KIRREL3: variants seen among roughly 807,000 people sequenced by gnomAD.
KIRREL3 encodes kin of IRRE-like protein 3.
Under a neutral mutation model 89.7 loss-of-function variants are expected in KIRREL3, and 36 were observed. The ratio of observed to expected loss-of-function variants is 0.40; its 90% confidence interval spans 0.31 to 0.53. The LOEUF is 0.53. Ranked by LOEUF, KIRREL3 falls within the 20% of genes least tolerant of loss-of-function variation. The pLI is 0.49. For missense variants in KIRREL3, 864 were observed against 1,056.6 expected (o/e 0.82, Z 2.53); for synonymous variants, 445 against 441.4 (o/e 1.01, Z -0.10).
At position 126,501,696 on chromosome 11, in the gene KIRREL3, TA is replaced by T. The variant is rs1202682973; in HGVS notation, c.433+19618del. ...TTCCACTCATGCTTTCAAACTCACT[TA>T]AACCCTCCTTAAAGCCTACACTTGC... On this transcript the variant is annotated intron_variant, in intron 4 of 16. Transcript: ENST00000525144. This position sits in a 1 kb window ranked among gnomAD's most constrained non-coding sequence, Gnocchi z 5.8. Among the ~76,000 whole-genome samples, 1 of 152,162 alleles carries T rather than the reference TA, an allele frequency of 6.6e-6. No individual in the cohort carries two copies. Among genetic ancestry groups the T allele is most frequent in the Non-Finnish European group, 1.5e-5 (1 of 68,024 alleles).
At chr11:126,712,600 A>G (rs1209266085) in intron 1 of KIRREL3, among the ~76,000 whole-genome samples, 6 of 152,216 alleles carry the variant, frequency 3.9e-5, no homozygotes, top group Non-Finnish European at 7.3e-5. Flanking sequence ...CCTCAGAGGC[A>G]GGACGCAGGC....
rs1362921828 is a variant in KIRREL3 at position 126,429,890 on chromosome 11, A to G, written c.1697-602T>C. On this transcript the variant is annotated intron_variant, in intron 14 of 16. Coordinates refer to ENST00000525144, the MANE Select transcript of KIRREL3 (RefSeq NM_032531.4). The surrounding 1 kb of genome is among the most constrained non-coding windows in gnomAD (Gnocchi z 5.2). ...GGTGGCTCACGCCTGTAATCCCAGC[A>G]CTTTGGGAGGCCGAGGTGGGCAGAT... 1.3e-5 allele frequency among the ~76,000 whole-genome samples: 2 copies of G among 152,192 alleles called. No homozygotes were observed. The highest frequency in any genetic ancestry group is 4.8e-5 in the African/African-American group (2 of 41,450).
At chr11:126,456,269 A>T in intron 7 of KIRREL3, 80 bp downstream of exon 7, 1 of 881,580 alleles carries the variant, frequency 1.1e-6, no homozygotes, top group Non-Finnish European at 1.8e-6. Context: ...CATGCTGAGG[A>T]CCCTAAGTGA....
chr11:126,902,180 A>G (rs968333066), intron 1 of KIRREL3, among the ~76,000 whole-genome samples: 3 of 152,180 alleles, frequency 2.0e-5, no homozygotes, highest in East Asian at 1.9e-4. Context: ...CTTTGGGGCT[A>G]CTTGGCCTGA....
chr11:126,450,787 GTGCATGTGTGTGTC>G (rs1436038263), intron 7 of KIRREL3, among the ~76,000 whole-genome samples: 1 of 151,466 alleles, frequency 6.6e-6, no homozygotes, highest in Non-Finnish European at 1.5e-5. Context: ...GTGTGCATCT[GTGCATGTGTGTGTC>G]TGCATGTGAA....
At chr11:126,784,834 T>C (rs1386953122) in intron 1 of KIRREL3, among the ~76,000 whole-genome samples, 3 of 152,208 alleles carry the variant, frequency 2.0e-5, no homozygotes, top group Admixed American at 1.3e-4. Context: ...ATAGTACTAA[T>C]TGGTGCTAGA....
At chr11:126,781,582 C>G (rs114892367) in intron 1 of KIRREL3, among the ~76,000 whole-genome samples, 3,848 of 152,264 alleles carry the variant, frequency 0.025, 154 homozygotes, top group African/African-American at 0.085. Context: ...GGTTCCTCCT[C>G]ACACTAAAAT....
intron 1 of KIRREL3, among the ~76,000 whole-genome samples, chr11:126,854,126 T>TTGTGTGTGTGTGTGTGTG (rs375873911): frequency 6.9e-6 from 1 of 143,922 alleles, no homozygotes; most frequent in African/African-American, 2.6e-5. Flanking sequence ...AATAAGTTTC[T>TTGTGTGTGTGTGTGTGTG]TGTGTGTGTG....
At chr11:126,670,452 A>G (rs1850687970) in intron 1 of KIRREL3, among the ~76,000 whole-genome samples, 1 of 152,350 alleles carries the variant, frequency 6.6e-6, no homozygotes, top group African/African-American at 2.4e-5. Flanking sequence ...GTCCTAGCTT[A>G]GTGCAATAAG....
At chr11:126,821,581 C>A (rs766086220) in intron 1 of KIRREL3, among the ~76,000 whole-genome samples, 1 of 151,912 alleles carries the variant, frequency 6.6e-6, no homozygotes, top group African/African-American at 2.4e-5. Context: ...AATGTACCCC[C>A]TCCTAAGACA....
Position 126,606,932 on chromosome 11 carries a change from G to A in KIRREL3, c.56-44020C>T, listed in dbSNP as rs905524545. The stretch of plus-strand genomic sequence containing the variant: ...GCTCAGATGATGGGAAGGGGCGGGG[G>A]TGGCCAGGCAGTGCTTTCTAGCTGA... On this transcript the variant is annotated intron_variant, in intron 1 of 16. Transcript: ENST00000525144. The surrounding 1 kb of genome is among the most constrained non-coding windows in gnomAD (Gnocchi z 4.6). Among the ~76,000 whole-genome samples the A allele has an allele frequency of 6.6e-6, 1 of 152,004 alleles. No individual in the cohort carries two copies. Among genetic ancestry groups the A allele is most frequent in the Admixed American group, 6.6e-5 (1 of 15,260 alleles).
rs1343562957 is a variant in KIRREL3, at chr11:126,677,699, T to C, written c.56-114787A>G. On this transcript the variant is annotated intron_variant, in intron 1 of 16. Transcript: ENST00000525144. The surrounding 1 kb of genome is among the most constrained non-coding windows in gnomAD (Gnocchi z 5.1). ...TCCACCAGCAGCTCGCACGAGTGGG[T>C]CCTCCCAGAATGAGTCCAGGGGAGC... Among the ~76,000 whole-genome samples, 1 of 151,794 alleles carries C rather than the reference T, an allele frequency of 6.6e-6. No individual in the cohort carries two copies. Among genetic ancestry groups the C allele is most frequent in the Non-Finnish European group, 1.5e-5 (1 of 67,942 alleles).
chr11:126,590,962 C>A (rs760458293), intron 1 of KIRREL3, among the ~76,000 whole-genome samples: 3 of 152,230 alleles, frequency 2.0e-5, no homozygotes, highest in Non-Finnish European at 4.4e-5. Flanking sequence ...GTGGCTCACA[C>A]CTATAATCCC....
At position 126,627,084 on chromosome 11, in the gene KIRREL3, T is replaced by A. The variant is rs976489056; in HGVS notation, c.56-64172A>T. Among the ~76,000 whole-genome samples, 2 of 151,818 alleles carry A rather than the reference T, an allele frequency of 1.3e-5. No homozygotes were observed. The highest frequency in any genetic ancestry group is 2.9e-5 in the Non-Finnish European group (2 of 67,998). On this transcript the variant is annotated intron_variant, in intron 1 of 16. Transcript: ENST00000525144. The surrounding 1 kb of genome is among the most constrained non-coding windows in gnomAD (Gnocchi z 5.0). ...GTGTGTGTGCATGCATGTGTGTGTA[T>A]GTGTGTGTGAAGGAATGAGGCAGAG...
chr11:126,671,565 A>T (rs1248741273), intron 1 of KIRREL3, among the ~76,000 whole-genome samples: 1 of 152,238 alleles, frequency 6.6e-6, no homozygotes, highest in Admixed American at 6.5e-5. Context: ...TATACCAAGA[A>T]TCCTGAAAAC....
rs1950174807 is a variant in KIRREL3 at position 126,776,551 on chromosome 11, C to T, written c.56-213639G>A. The stretch of plus-strand genomic sequence containing the variant: ...GTCAGAGCCGTCGGTAGGGTTAATG[C>T]AGGTCCCTTAAGAGAGATTGAGTCC... On this transcript the variant is annotated intron_variant, in intron 1 of 16. Transcript: ENST00000525144. The surrounding 1 kb of genome is among the most constrained non-coding windows in gnomAD (Gnocchi z 4.7). 6.6e-6 allele frequency among the ~76,000 whole-genome samples: 1 copy of T among 152,190 alleles called. No individual in the cohort carries two copies. Among genetic ancestry groups the T allele is most frequent in the Non-Finnish European group, 1.5e-5 (1 of 68,040 alleles).
rs1363052991 is a variant in KIRREL3, at chr11:126,772,084, C to T, written c.56-209172G>A. 6.6e-6 allele frequency among the ~76,000 whole-genome samples: 1 copy of T among 152,222 alleles called. No homozygotes were observed. Among genetic ancestry groups the T allele is most frequent in the African/African-American group, 2.4e-5 (1 of 41,454 alleles). ...TCTAAAGCACTAAGAGGTGCCAGCT[C>T]ATTCTCAGGGCAGAAGAACCAGTGT... On this transcript the variant is annotated intron_variant, in intron 1 of 16. Coordinates refer to ENST00000525144, the MANE Select transcript of KIRREL3 (RefSeq NM_032531.4). The surrounding 1 kb of genome is among the most constrained non-coding windows in gnomAD (Gnocchi z 4.6).
chr11:126,979,834 C>A (rs909576264), intron 1 of KIRREL3, among the ~76,000 whole-genome samples: 7 of 152,170 alleles, frequency 4.6e-5, no homozygotes, highest in Non-Finnish European at 8.8e-5. Context: ...AGGGCTGGAC[C>A]AGAAGGATGC....
intron 1 of KIRREL3, among the ~76,000 whole-genome samples, chr11:126,759,580 C>T (rs1372378641): frequency 6.6e-5 from 10 of 152,206 alleles, no homozygotes; most frequent in East Asian, 3.8e-4. Flanking sequence ...TTAGACAACA[C>T]GTAGCATCGT....
Sources: gnomAD v4.1 joint callset for allele counts (sites outside exome capture counted in the v4.1 genomes callset) on GRCh38, gnomAD v4.1.1 for gene constraint, Gnocchi (gnomAD v3.1) non-coding constraint, MANE v1.5 for transcripts, NCBI Gene and HGNC (gene_info 2026-07-23, HGNC 2026-07-21) for gene names.